The following CAMK1D variants were observed in gnomAD, a reference collection of about 807,000 sequenced individuals.
The protein encoded by CAMK1D is calcium/calmodulin dependent protein kinase ID, also known as calcium/calmodulin-dependent protein kinase type 1D.
Under a neutral mutation model 47.7 loss-of-function variants are expected in CAMK1D, and 9 were observed. The ratio of observed to expected loss-of-function variants is 0.19; its 90% CI spans 0.11 to 0.33. The LOEUF is 0.33. Among genes scored for constraint, CAMK1D ranks in the 10% least tolerant of loss-of-function variants. CAMK1D has a pLI of 1.00. For missense variants in CAMK1D, 291 were observed against 488.7 expected (o/e 0.60, Z 3.81); for synonymous variants, 184 against 184.9 (o/e 0.99, Z 0.04).
rs71384322 is a variant in CAMK1D at position 12,421,511 on chromosome 10, CTTTTTTTTTTTTTTTTTTTT to C, written c.92+71614_92+71633del. Among the ~76,000 whole-genome samples, 10 of 50,750 alleles carry C rather than the reference CTTTTTTTTTTTTTTTTTTTT, an allele frequency of 2.0e-4. No individual in the cohort carries two copies. The East Asian group carries it at 6.6e-3, about 33-fold the overall frequency. 33.3% of individuals were successfully genotyped at this position (50,750 alleles called of 152,430 possible). Reference sequence around the variant, plus strand: ...CATGCTGGGCCATTTATCCAGGATTCTTTTTTTTTTTTTTTTTTTTTTTTTTTTTTTTGAGACAAGGTCTT... The same window carrying C: ...CATGCTGGGCCATTTATCCAGGATTCTTTTTTTTTTTTGAGACAAGGTCTT... On this transcript the variant is annotated intron_variant, in intron 1 of 10. Coordinates refer to ENST00000619168, the MANE Select transcript of CAMK1D (RefSeq NM_153498.4).
intron 1 of CAMK1D, among the ~76,000 whole-genome samples, chr10:12,445,940 C>T (rs751305004): frequency 7.9e-5 from 12 of 151,976 alleles, no homozygotes. Flanking sequence ...TTAGCCATAA[C>T]AAATTTTGAA....
At chr10:12,646,906 A>G (rs1261869325) in intron 2 of CAMK1D, among the ~76,000 whole-genome samples, 1 of 151,950 alleles carries the variant, frequency 6.6e-6, no homozygotes, top group African/African-American at 2.4e-5. Flanking sequence ...CAGTGGTGCG[A>G]TTTCGGCTCA....
chr10:12,472,055 GAAAAGA>G (rs1372132184), intron 1 of CAMK1D, among the ~76,000 whole-genome samples: 32 of 144,208 alleles, frequency 2.2e-4, no homozygotes, highest in Admixed American at 3.4e-4. Flanking sequence ...AAAAGAAAAA[GAAAAGA>G]AAAAGAAAAA....
rs1487770636 is a variant in CAMK1D, at chr10:12,583,982, C to T, written c.224+30626C>T. Among the ~76,000 whole-genome samples the T allele has an allele frequency of 2.0e-5, 3 of 152,068 alleles. No individual in the cohort carries two copies. In the East Asian group the frequency reaches 5.8e-4, roughly 29 times the overall value. ...TCAGGACATGACAATAGCCAAGTTG[C>T]CTGTCAGCACTCTGGGATGGTTTTT... On this transcript the variant is annotated intron_variant, in intron 2 of 10. Transcript: ENST00000619168.
intron 1 of CAMK1D, among the ~76,000 whole-genome samples, chr10:12,396,166 G>A (rs1186819432): frequency 6.6e-6 from 1 of 152,120 alleles, no homozygotes; most frequent in African/African-American, 2.4e-5. Flanking sequence ...GAGCCACTGT[G>A]CCTGGTCAAA....
chr10:12,620,586 C>T (rs980886445), intron 2 of CAMK1D, among the ~76,000 whole-genome samples: 1 of 152,220 alleles, frequency 6.6e-6, no homozygotes, highest in Non-Finnish European at 1.5e-5. Context: ...AATGTCGCTT[C>T]ATGTCTTTTG....
In CAMK1D at chr10:12,523,005, G is replaced by A. The variant is rs1407020438; in HGVS notation, c.93-30220G>A. Among the ~76,000 whole-genome samples the A allele has an allele frequency of 1.3e-4, 19 of 146,734 alleles. 1 individual carries two copies. Among genetic ancestry groups the A allele is most frequent in the Admixed American group, 8.7e-4 (13 of 14,872 alleles). On this transcript the variant is annotated intron_variant, in intron 1 of 10. Coordinates refer to ENST00000619168, the MANE Select transcript of CAMK1D (RefSeq NM_153498.4). ...CTCCCAGATGGGGTGGCTGCCGGGC[G>A]GAGACGCTCCTCACTTCCCAGACGG...
rs12266168 is a variant in CAMK1D, at chr10:12,441,754, G to T, written c.92+91844G>T. Among the ~76,000 whole-genome samples, 279 of 152,210 alleles carry T rather than the reference G, an allele frequency of 1.8e-3. 3 individuals carry two copies. Among genetic ancestry groups the T allele is most frequent in the African/African-American group, 6.3e-3 (260 of 41,542 alleles). ...TCAACCCAGGAGTGAAGCCGAGATT[G>T]TGCCACTGCACTCCAGCCTGGGCAA... On this transcript the variant is annotated intron_variant, in intron 1 of 10. Transcript: ENST00000619168.
chr10:12,625,086 C>G (rs1289262816), intron 2 of CAMK1D, among the ~76,000 whole-genome samples: 1 of 152,036 alleles, frequency 6.6e-6, no homozygotes, highest in African/African-American at 2.4e-5. Flanking sequence ...CCTGTAATCC[C>G]AGCACTTTGG....
intron 8 of CAMK1D, 81 bp downstream of exon 8, chr10:12,816,409 C>T (rs527808343): frequency 6.5e-5 from 73 of 1,121,482 alleles, no homozygotes; most frequent in Admixed American, 6.1e-4. Flanking sequence ...TGGCCGTTGT[C>T]ATTTATGAAA....
chr10:12,771,766 G>T (rs1319026918), intron 5 of CAMK1D, among the ~76,000 whole-genome samples: 1 of 152,234 alleles, frequency 6.6e-6, no homozygotes, highest in African/African-American at 2.4e-5. Context: ...AGGTGCAGTG[G>T]CTCACGCCTG....
chr10:12,419,641 C>CAT (rs1839979121), intron 1 of CAMK1D, among the ~76,000 whole-genome samples: 1 of 26,692 alleles, frequency 3.7e-5, no homozygotes, highest in African/African-American at 1.5e-4. Context: ...AGAGAAAATG[C>CAT]ACACACACAC....
intron 1 of CAMK1D, among the ~76,000 whole-genome samples, chr10:12,480,486 C>A (rs1969931): frequency 0.14 from 20,671 of 152,006 alleles, 1,536 homozygotes; most frequent in Non-Finnish European, 0.18. Flanking sequence ...TAAACAAAAT[C>A]CTATAGAGCC....
chr10:12,466,178 C>T (rs767682640), intron 1 of CAMK1D, among the ~76,000 whole-genome samples: 11 of 151,878 alleles, frequency 7.2e-5, no homozygotes, highest in African/African-American at 1.7e-4. Context: ...GAGACCAAGG[C>T]GGGCAGATCA....
chr10:12,823,413 A>G (rs1369509794), intron 8 of CAMK1D, among the ~76,000 whole-genome samples: 1 of 152,132 alleles, frequency 6.6e-6, no homozygotes, highest in Non-Finnish European at 1.5e-5. Context: ...AAAGACTGGG[A>G]GCAGAGCACA....
rs142138687 is a variant in CAMK1D, at chr10:12,422,696, A to G, written c.92+72786A>G. ...TTTTTTTTTTTTTCTTTTTTGAGAC[A>G]GAGTCTCAGTCTGTCGCCCAGGCTG... is the stretch of plus-strand genomic sequence containing the variant. On this transcript the variant is annotated intron_variant, in intron 1 of 10. Coordinates refer to ENST00000619168, the MANE Select transcript of CAMK1D (RefSeq NM_153498.4). Among the ~76,000 whole-genome samples, 516 of 151,608 alleles carry G rather than the reference A, an allele frequency of 3.4e-3. 30 individuals are homozygous for G. In the East Asian group the frequency reaches 0.084, roughly 25 times the overall value.
At chr10:12,770,809 G>A (rs1399907978) in intron 5 of CAMK1D, among the ~76,000 whole-genome samples, 1 of 152,154 alleles carries the variant, frequency 6.6e-6, no homozygotes, top group African/African-American at 2.4e-5. Flanking sequence ...ACCAGTTTGT[G>A]CGAAAGCCTG....
chr10:12,773,691 C>G lies in CAMK1D; in HGVS notation c.565+3892C>G, dbSNP rs893100693. Among the ~76,000 whole-genome samples the G allele has an allele frequency of 2.6e-5, 4 of 152,210 alleles. No individual in the cohort carries two copies. In the East Asian group the frequency reaches 7.7e-4, roughly 29 times the overall value. ...GCAGATTACCTGCGGTCAGGAGTTC[C>G]AGACCAGCCTGGCCAATATGGTGAA... On this transcript the variant is annotated intron_variant, in intron 5 of 10. Coordinates refer to ENST00000619168, the MANE Select transcript of CAMK1D (RefSeq NM_153498.4).
chr10:12,636,292 C>T (rs1165813425), intron 2 of CAMK1D, among the ~76,000 whole-genome samples: 1 of 152,170 alleles, frequency 6.6e-6, no homozygotes, highest in Non-Finnish European at 1.5e-5. Context: ...ATTGAATTCT[C>T]ACCATAATCC....
Sources: gnomAD v4.1 joint callset for allele counts (sites outside exome capture counted in the v4.1 genomes callset) on GRCh38, gnomAD v4.1.1 for gene constraint, MANE v1.5 for transcripts, NCBI Gene and HGNC (gene_info 2026-07-23, HGNC 2026-07-21) for gene names.